The following MYH10 variants were observed in gnomAD, a reference collection of about 807,000 sequenced individuals.
The protein encoded by MYH10 is myosin-10.
MYH10 carries 55 observed loss-of-function variants against 257.8 expected under a neutral mutation model. The ratio of observed to expected loss-of-function variants is 0.21; its 90% CI spans 0.17 to 0.27. The LOEUF (loss-of-function observed/expected upper bound fraction) is 0.27. Ranked by LOEUF, MYH10 falls within the 10% of genes least tolerant of loss-of-function variation. The probability of loss-of-function intolerance (pLI) is 1.00; values close to 1 mark genes in which losing one functional copy is unlikely to be tolerated. For synonymous variants in MYH10, 854 were observed against 921.7 expected, an observed-to-expected ratio of 0.93 and a Z score of 1.33; for missense variants, 1,631 against 2,500.6, an observed-to-expected ratio of 0.65 and a Z score of 7.42.
intron 17 of MYH10, among the ~76,000 whole-genome samples, chr17:8,528,792 G>C (rs1015449992): frequency 1.1e-4 from 17 of 152,186 alleles, no homozygotes; most frequent in African/African-American, 4.1e-4. Flanking sequence ...CTCTGGGGTG[G>C]TGGTCTTGAA....
chr17:8,502,196 C>T lies in MYH10; in HGVS notation c.3600-1226G>A, dbSNP rs796776885. ...CTCTTCACCTCTCTTTTCCTCTCTTCTCATGGAGTCACGAGATCTGCAGGG... is the reference window on the plus strand; with the variant it reads ...CTCTTCACCTCTCTTTTCCTCTCTTTTCATGGAGTCACGAGATCTGCAGGG... On this transcript the variant is annotated intron_variant, in intron 28 of 42. Coordinates refer to ENST00000360416, the MANE Select transcript of MYH10 (RefSeq NM_001256012.3). Among the ~76,000 whole-genome samples, 98 of 152,324 alleles carry T rather than the reference C, an allele frequency of 6.4e-4. 1 individual carries two copies. Among genetic ancestry groups the T allele is most frequent in the African/African-American group, 2.2e-3 (91 of 41,568 alleles).
At chr17:8,588,567 T>C (rs1320718904) in intron 4 of MYH10, among the ~76,000 whole-genome samples, 1 of 152,240 alleles carries the variant, frequency 6.6e-6, no homozygotes, top group African/African-American at 2.4e-5. Context: ...CTTCTATACC[T>C]GAAGTCCTCA....
intron 13 of MYH10, among the ~76,000 whole-genome samples, chr17:8,543,859 T>C (rs2082368036): frequency 6.6e-6 from 1 of 152,388 alleles, no homozygotes; most frequent in African/African-American, 2.4e-5. Flanking sequence ...AAATCAATAA[T>C]GCATGGTAGA....
intron 37 of MYH10, among the ~76,000 whole-genome samples, chr17:8,483,347 A>G (rs1050741711): frequency 5.9e-5 from 9 of 152,214 alleles, no homozygotes; most frequent in African/African-American, 2.2e-4. Context: ...GGACAGCAGG[A>G]CGAAAACCTC....
intron 1 of MYH10, among the ~76,000 whole-genome samples, 179 bp downstream of exon 1, chr17:8,630,475 C>G (rs2085874792): frequency 6.6e-6 from 1 of 152,102 alleles, no homozygotes; most frequent in Non-Finnish European, 1.5e-5. Context: ...CCTAAGGTCC[C>G]CGCAGCACAA....
At position 8,504,598 on chromosome 17, in the gene MYH10, C is replaced by T. The variant is rs1383427924; in HGVS notation, c.3599+96G>A. On this transcript the variant is annotated intron_variant, in intron 28 of 42. Coordinates refer to ENST00000360416, the MANE Select transcript of MYH10 (RefSeq NM_001256012.3). This position sits in a 1 kb window ranked among gnomAD's most constrained non-coding sequence, Gnocchi z 5.6. The stretch of plus-strand genomic sequence containing the variant: ...CCTGCCATCACAAGGAAAAGCACAC[C>T]ACCTCCCAAAGATAGCAAGCACACC... The T allele has an allele frequency of 2.8e-6, 3 of 1,078,762 alleles. No individual in the cohort carries two copies. Among genetic ancestry groups the T allele is most frequent in the African/African-American group, 3.1e-5 (2 of 63,576 alleles). 66.8% of individuals were successfully genotyped at this position (1,078,762 alleles called of 1,614,324 possible).
intron 25 of MYH10, among the ~76,000 whole-genome samples, chr17:8,509,033 G>C (rs1283065604): frequency 6.6e-6 from 1 of 152,160 alleles, no homozygotes; most frequent in Admixed American, 6.5e-5. Context: ...CATTCACTCA[G>C]CGCTCACTCA....
rs929565720 is a variant in MYH10 at position 8,474,226 on chromosome 17, C to G, written c.*1578G>C. On this transcript the variant is annotated 3_prime_UTR_variant, in exon 43 of 43. Coordinates refer to ENST00000360416, the MANE Select transcript of MYH10 (RefSeq NM_001256012.3). ...CAGATTCCACGTTCACATGATTATT[C>G]TTGTTTATTGAGGTCTCTTTATTCT... The G allele has an allele frequency of 2.0e-5, 3 of 152,630 alleles. No individual in the cohort carries two copies. Among genetic ancestry groups the G allele is most frequent in the Non-Finnish European group, 4.4e-5 (3 of 68,032 alleles). The allele number at this position is 152,630 out of a possible 1,614,324, so 9.5% of individuals were successfully genotyped here.
At chr17:8,485,274 GA>G (rs1567776242) in intron 36 of MYH10, among the ~76,000 whole-genome samples, 1 of 151,574 alleles carries the variant, frequency 6.6e-6, no homozygotes, top group African/African-American at 2.4e-5. Flanking sequence ...TAGGTATAAA[GA>G]AAAAAAGTGA....
At chr17:8,556,888 C>G (rs536891689) in intron 7 of MYH10, among the ~76,000 whole-genome samples, 1 of 152,140 alleles carries the variant, frequency 6.6e-6, no homozygotes, top group Non-Finnish European at 1.5e-5. Context: ...GGATGACATT[C>G]GGATCTGTGA....
intron 6 of MYH10, among the ~76,000 whole-genome samples, chr17:8,574,369 G>A (rs756303523): frequency 1.3e-5 from 2 of 152,180 alleles, no homozygotes; most frequent in Non-Finnish European, 2.9e-5. Context: ...TGCTTGCCAG[G>A]GGCTGAGGGG....
intron 4 of MYH10, among the ~76,000 whole-genome samples, chr17:8,581,516 C>T (rs1181117275): frequency 1.3e-5 from 2 of 152,166 alleles, no homozygotes; most frequent in African/African-American, 4.8e-5. Flanking sequence ...GGCAGCCATA[C>T]TTCAACAATT....
At chr17:8,549,672 A>G (rs1314721128) in intron 9 of MYH10, among the ~76,000 whole-genome samples, 1 of 151,870 alleles carries the variant, frequency 6.6e-6, no homozygotes, top group Admixed American at 6.6e-5. Flanking sequence ...TTCTTTCAAC[A>G]CTTTGATCAT....
Position 8,504,611 on chromosome 17 carries a change from T to C in MYH10, c.3599+83A>G, listed in dbSNP as rs1016563766. On this transcript the variant is annotated intron_variant, in intron 28 of 42. Transcript: ENST00000360416. This position sits in a 1 kb window ranked among gnomAD's most constrained non-coding sequence, Gnocchi z 5.6. ...GGAAAAGCACACCACCTCCCAAAGA[T>C]AGCAAGCACACCAGGCATTTCTGCA... The C allele has an allele frequency of 9.0e-6, 11 of 1,220,836 alleles. No homozygotes were observed. The highest frequency in any genetic ancestry group is 4.0e-5 in the Admixed American group (2 of 49,462). The allele number at this position is 1,220,836 out of a possible 1,614,324, so 75.6% of individuals were successfully genotyped here.
intron 3 of MYH10, among the ~76,000 whole-genome samples, chr17:8,601,955 C>T (rs2084619927): frequency 6.7e-6 from 1 of 150,342 alleles, no homozygotes; most frequent in African/African-American, 2.4e-5. Flanking sequence ...ATGATAAATA[C>T]ATTTCATGCA....
intron 28 of MYH10, among the ~76,000 whole-genome samples, chr17:8,503,057 C>T (rs188399454): frequency 1.1e-3 from 173 of 152,244 alleles, no homozygotes; most frequent in African/African-American, 3.9e-3. Flanking sequence ...CCAAGGCGGG[C>T]GGATCACCTG....
At chr17:8,496,110 C>T (rs1916581381) in intron 30 of MYH10, among the ~76,000 whole-genome samples, 2 of 152,182 alleles carry the variant, frequency 1.3e-5, no homozygotes. Flanking sequence ...TTTTTCTTCG[C>T]AATTAATGAT....
intron 6 of MYH10, among the ~76,000 whole-genome samples, chr17:8,576,007 G>C (rs1284200171): frequency 6.6e-6 from 1 of 152,192 alleles, no homozygotes; most frequent in Non-Finnish European, 1.5e-5. Flanking sequence ...ATAGAGATGA[G>C]GTCTTGCTCC....
Position 8,484,219 on chromosome 17 carries a change from G to A in MYH10, c.5094C>T (p.Ser1698=), listed in dbSNP as rs563167590. 5.6e-6 allele frequency: 9 copies of A among 1,612,802 alleles called. No homozygotes were observed. The highest frequency in any genetic ancestry group is 1.7e-4 in the Middle Eastern group (1 of 6,058). ...TGGATTGAGCAAAAATCTCATCTCT[G>A]GATGCACGAGCTTCTTCTAATTCAC... The part of the protein sequence containing the change: ...YQRELEEARA[S]RDEIFAQSKE... The change falls in exon 37 of 43, where the codon TCC becomes TCT. Residue 1698 remains serine, a synonymous_variant. Coordinates refer to ENST00000360416, the MANE Select transcript of MYH10 (RefSeq NM_001256012.3).
Sources: gnomAD v4.1 joint callset for allele counts (sites outside exome capture counted in the v4.1 genomes callset) on GRCh38, gnomAD v4.1.1 for gene constraint, Gnocchi (gnomAD v3.1) non-coding constraint, MANE v1.5 for transcripts, NCBI Gene and HGNC (gene_info 2026-07-23, HGNC 2026-07-21) for gene names.